Variants in RHEX observed in about 807,000 individuals in gnomAD.
RHEX encodes regulator of hemoglobinization and erythroid cell expansion protein.
RHEX carries 18 observed loss-of-function variants against 20.1 expected under a neutral mutation model. The observed-to-expected ratio is 0.90, with a 90% CI of 0.62 to 1.33. The LOEUF (loss-of-function observed/expected upper bound fraction) is 1.33, where lower values mean the gene tolerates loss of function less well. Among genes scored for constraint, RHEX ranks in the 40% most tolerant of loss-of-function variants. The probability of loss-of-function intolerance (pLI) is 0.00; values close to 1 mark genes in which losing one functional copy is unlikely to be tolerated. For synonymous variants in RHEX, 87 were observed against 77.1 expected (o/e 1.13, Z -0.67); for missense variants, 192 against 214.3 (o/e 0.90, Z 0.65).
In RHEX at chr1:206,095,544, C is replaced by T. The variant is rs140983615; in HGVS notation, c.-96-2189C>T. Among the ~76,000 whole-genome samples the T allele has an allele frequency of 3.4e-3, 519 of 152,134 alleles. 1 individual carries two copies. Among genetic ancestry groups the T allele is most frequent in the African/African-American group, 0.011 (472 of 41,480 alleles). On this transcript the variant is annotated intron_variant, in intron 1 of 5. Transcript: ENST00000331555. ...GATTTGGGGTAATTTTGGCTGGGCGCGGTGGCTCACGCCTGTAATCCCAGC... is the reference window on the plus strand; with the variant it reads ...GATTTGGGGTAATTTTGGCTGGGCGTGGTGGCTCACGCCTGTAATCCCAGC...
At chr1:206,061,047 A>T (rs1571851679) in intron 1 of RHEX, 1 of 152,232 alleles carries the variant, frequency 6.6e-6, no homozygotes, top group East Asian at 1.9e-4. Flanking sequence ...CAAGTTCTTC[A>T]TGCTGAAAGC....
intron 1 of RHEX, among the ~76,000 whole-genome samples, chr1:206,054,375 T>G (rs1451418961): frequency 6.6e-6 from 1 of 152,230 alleles, no homozygotes; most frequent in African/African-American, 2.4e-5. Context: ...AAAAAACAGT[T>G]TATGTGCAAG....
At chr1:206,059,896 G>T (rs574985409) in intron 1 of RHEX, among the ~76,000 whole-genome samples, 4 of 152,124 alleles carry the variant, frequency 2.6e-5, no homozygotes, top group Non-Finnish European at 5.9e-5. Flanking sequence ...CTTCCTAGCC[G>T]TAGCTCTACT....
intron 1 of RHEX, among the ~76,000 whole-genome samples, chr1:206,083,180 G>A (rs549613073): frequency 6.6e-6 from 1 of 152,316 alleles, no homozygotes; most frequent in South Asian, 2.1e-4. Context: ...TCATTTTACA[G>A]AGGAAGAACA....
chr1:206,075,138 C>T (rs530222268), intron 1 of RHEX, among the ~76,000 whole-genome samples: 45 of 152,266 alleles, frequency 3.0e-4, no homozygotes, highest in African/African-American at 9.9e-4. Flanking sequence ...ATCTATAGCA[C>T]GGAACATCAA....
At chr1:206,079,290 A>G (rs1402708742) in intron 1 of RHEX, among the ~76,000 whole-genome samples, 3 of 152,254 alleles carry the variant, frequency 2.0e-5, no homozygotes, top group Non-Finnish European at 4.4e-5. Context: ...GCAGTGAAAT[A>G]GATACACTCA....
chr1:206,090,202 C>CTTTTTTTTTT (rs59499927), intron 1 of RHEX, among the ~76,000 whole-genome samples: 76 of 112,572 alleles, frequency 6.8e-4, no homozygotes, highest in Non-Finnish European at 9.7e-4. Flanking sequence ...TCTTTTCTTT[C>CTTTTTTTTTT]TTTTTTTTTT....
At chr1:206,054,391 T>C (rs193169717) in intron 1 of RHEX, among the ~76,000 whole-genome samples, 4 of 152,230 alleles carry the variant, frequency 2.6e-5, no homozygotes, top group African/African-American at 4.8e-5. Flanking sequence ...GCAAGGTGTA[T>C]AAGAAAAGTA....
chr1:206,082,585 T>G (rs918861507), intron 1 of RHEX, among the ~76,000 whole-genome samples: 1 of 152,178 alleles, frequency 6.6e-6, no homozygotes, highest in Non-Finnish European at 1.5e-5. Context: ...TGTTAAGTGC[T>G]TCACTTACTT....
intron 1 of RHEX, among the ~76,000 whole-genome samples, chr1:206,053,941 A>T: frequency 6.6e-6 from 1 of 152,384 alleles, no homozygotes; most frequent in East Asian, 1.9e-4. Context: ...AGACTAAACA[A>T]GGTCTTAATA....
rs1484591818 is a variant in RHEX at position 206,067,394 on chromosome 1, G to C, written c.-97+14129G>C. Among the ~76,000 whole-genome samples the C allele has an allele frequency of 2.0e-5, 3 of 152,076 alleles. No individual in the cohort carries two copies. Among genetic ancestry groups the C allele is most frequent in the African/African-American group, 7.2e-5 (3 of 41,396 alleles). On this transcript the variant is annotated intron_variant, in intron 1 of 5. Coordinates refer to ENST00000331555, the MANE Select transcript of RHEX (RefSeq NM_001007544.4). This position sits in a 1 kb window ranked among gnomAD's most constrained non-coding sequence, Gnocchi z 4.6. ...GCTCTGAGCTCAAAGTTTCCCAAAGGGTATTTTTCTAGTTATGAGAGACAT... is the reference window on the plus strand; with the variant it reads ...GCTCTGAGCTCAAAGTTTCCCAAAGCGTATTTTTCTAGTTATGAGAGACAT...
At chr1:206,085,689 A>G (rs1662824450) in intron 1 of RHEX, among the ~76,000 whole-genome samples, 1 of 152,190 alleles carries the variant, frequency 6.6e-6, no homozygotes, top group African/African-American at 2.4e-5. Context: ...TATCTAGTTG[A>G]GGCTCAAAGT....
At chr1:206,072,200 C>T (rs1460352959) in intron 1 of RHEX, among the ~76,000 whole-genome samples, 2 of 152,150 alleles carry the variant, frequency 1.3e-5, no homozygotes, top group Non-Finnish European at 2.9e-5. Context: ...GAAGAAAGGA[C>T]ACATTCAATG....
intron 1 of RHEX, among the ~76,000 whole-genome samples, chr1:206,091,566 A>G (rs1353735215): frequency 6.6e-6 from 1 of 152,210 alleles, no homozygotes; most frequent in African/African-American, 2.4e-5. Context: ...AATTTGCCCT[A>G]TCAATATTGT....
chr1:206,064,797 C>T (rs1445973946), intron 1 of RHEX, among the ~76,000 whole-genome samples: 4 of 152,074 alleles, frequency 2.6e-5, no homozygotes, highest in Non-Finnish European at 4.4e-5. Flanking sequence ...TCATTGAGAA[C>T]GGGCCAGGAT....
intron 4 of RHEX, 89 bp downstream of exon 4, chr1:206,099,887 C>G: frequency 8.0e-7 from 1 of 1,252,944 alleles, no homozygotes; most frequent in African/African-American, 1.5e-5. Context: ...ACCCCATGGG[C>G]CCAAACCTCT....
At chr1:206,100,713 T>A (rs549141005) in intron 4 of RHEX, among the ~76,000 whole-genome samples, 2 of 152,222 alleles carry the variant, frequency 1.3e-5, no homozygotes, top group Non-Finnish European at 2.9e-5. Flanking sequence ...CTAGATTTAG[T>A]GACAGCTTTG....
chr1:206,083,417 C>A, intron 1 of RHEX: 1 of 792,800 alleles, frequency 1.3e-6, no homozygotes, highest in Non-Finnish European at 1.5e-6. Flanking sequence ...CAGAGCATGG[C>A]CAAAAGAGAC....
At chr1:206,074,620 C>T (rs1270940252) in intron 1 of RHEX, among the ~76,000 whole-genome samples, 1 of 152,132 alleles carries the variant, frequency 6.6e-6, no homozygotes, top group Non-Finnish European at 1.5e-5. Context: ...TTTTCATCAC[C>T]CCTAAAGGAA....
Sources: gnomAD v4.1 joint callset for allele counts (sites outside exome capture counted in the v4.1 genomes callset) on GRCh38, gnomAD v4.1.1 for gene constraint, Gnocchi (gnomAD v3.1) non-coding constraint, MANE v1.5 for transcripts, NCBI Gene and HGNC (gene_info 2026-07-23, HGNC 2026-07-21) for gene names.